ATP9B: variants seen among roughly 807,000 people sequenced by gnomAD.
ATP9B encodes the protein ATPase phospholipid transporting 9B, also known as probable phospholipid-transporting ATPase IIB.
A neutral mutation model predicts 146.1 loss-of-function variants in ATP9B; 110 were observed. The ratio of observed to expected loss-of-function variants is 0.75; its 90% confidence interval spans 0.65 to 0.88. The LOEUF is 0.88. ATP9B is among the 40% of genes least tolerant of loss of function. The pLI is 0.00. For synonymous variants in ATP9B, 604 were observed against 569.7 expected, an observed-to-expected ratio of 1.06 and a Z score of -0.86; for missense variants, 1,499 against 1,496.4, an observed-to-expected ratio of 1.00 and a Z score of -0.03.
At chr18:79,252,384 G>A (rs1049742954) in intron 11 of ATP9B, among the ~76,000 whole-genome samples, 1 of 152,184 alleles carries the variant, frequency 6.6e-6, no homozygotes, top group African/African-American at 2.4e-5. Context: ...CCTAGTTGCT[G>A]TGCTGTGTCA....
chr18:79,275,229 C>G (rs963806294), intron 12 of ATP9B, among the ~76,000 whole-genome samples: 1 of 151,014 alleles, frequency 6.6e-6, no homozygotes, highest in Non-Finnish European at 1.5e-5. Context: ...CTTTTCCCCT[C>G]TTCTGTACAG....
At chr18:79,193,099 C>T in intron 8 of ATP9B, 84 bp from the exon 9 acceptor site, 1 of 989,482 alleles carries the variant, frequency 1.0e-6, no homozygotes, top group Non-Finnish European at 1.5e-6. Context: ...AATATATGAA[C>T]AATATTAATC....
chr18:79,212,793 G>T (rs1351320047), intron 10 of ATP9B, among the ~76,000 whole-genome samples: 1 of 152,022 alleles, frequency 6.6e-6, no homozygotes. Context: ...TTTGTGCATC[G>T]GGGAGCTTAT....
At chr18:79,337,757 AG>A (rs1231958324) in intron 19 of ATP9B, among the ~76,000 whole-genome samples, 1 of 152,138 alleles carries the variant, frequency 6.6e-6, no homozygotes, top group East Asian at 1.9e-4. Flanking sequence ...GCCATTTCCC[AG>A]GGATGGTTAT....
intron 13 of ATP9B, among the ~76,000 whole-genome samples, chr18:79,290,913 A>G (rs144091670): frequency 1.1e-3 from 173 of 152,320 alleles, no homozygotes; most frequent in African/African-American, 4.1e-3. Context: ...TTCTTTATAT[A>G]TTAAAATCAC....
At chr18:79,070,092 A>G (rs2071544870) in intron 1 of ATP9B, among the ~76,000 whole-genome samples, 1 of 152,218 alleles carries the variant, frequency 6.6e-6, no homozygotes, top group African/African-American at 2.4e-5. Context: ...AGAACGGTTA[A>G]CTTGTTTAGT....
At chr18:79,146,901 A>G (rs2094600332) in intron 6 of ATP9B, 1 of 152,366 alleles carries the variant, frequency 6.6e-6, no homozygotes, top group Admixed American at 6.5e-5. Flanking sequence ...AATGGTCTAA[A>G]TACGAGACAG....
At chr18:79,162,477 A>G (rs2094898056) in intron 7 of ATP9B, among the ~76,000 whole-genome samples, 1 of 152,230 alleles carries the variant, frequency 6.6e-6, no homozygotes, top group Admixed American at 6.5e-5. Context: ...AATTTTCATC[A>G]ATCTCTTATA....
chr18:79,338,625 C>T (rs567509124), intron 19 of ATP9B, among the ~76,000 whole-genome samples: 13 of 152,314 alleles, frequency 8.5e-5, no homozygotes, highest in African/African-American at 1.4e-4. Flanking sequence ...GCGGGGCACA[C>T]GCTCCCTGCC....
At chr18:79,240,143 T>G (rs1352244179) in intron 11 of ATP9B, among the ~76,000 whole-genome samples, 1 of 152,236 alleles carries the variant, frequency 6.6e-6, no homozygotes, top group Non-Finnish European at 1.5e-5. Context: ...CTCAGTGACT[T>G]TGCTGGACTC....
intron 2 of ATP9B, among the ~76,000 whole-genome samples, chr18:79,103,074 T>A (rs768627490): frequency 3.9e-5 from 6 of 152,194 alleles, no homozygotes; most frequent in Non-Finnish European, 8.8e-5. Context: ...GCAGTGGTAT[T>A]ACTTCTTCCG....
intron 13 of ATP9B, among the ~76,000 whole-genome samples, chr18:79,288,903 G>A (rs186360007): frequency 7.2e-5 from 11 of 152,200 alleles, no homozygotes; most frequent in African/African-American, 2.2e-4. Flanking sequence ...TGAAATTCTC[G>A]GTTGAAAATT....
chr18:79,161,951 T>C (rs975206463), intron 7 of ATP9B, among the ~76,000 whole-genome samples: 1 of 152,242 alleles, frequency 6.6e-6, no homozygotes, highest in African/African-American at 2.4e-5. Context: ...TTGCTTTCAA[T>C]CAAGAATTCT....
At chr18:79,126,197 C>T in intron 4 of ATP9B, 70 bp from the exon 5 acceptor site, 6 of 1,304,652 alleles carry the variant, frequency 4.6e-6, no homozygotes, top group East Asian at 2.5e-5. Flanking sequence ...AAAGTTAAAC[C>T]AAGTAACAAA....
intron 6 of ATP9B, among the ~76,000 whole-genome samples, chr18:79,151,592 G>A (rs768329105): frequency 2.3e-4 from 35 of 152,154 alleles, no homozygotes; most frequent in Non-Finnish European, 4.0e-4. Flanking sequence ...ATGCAGTTCC[G>A]CTATGGTAGA....
At chr18:79,328,422 A>G (rs1165278528) in intron 15 of ATP9B, among the ~76,000 whole-genome samples, 2 of 152,252 alleles carry the variant, frequency 1.3e-5, no homozygotes, top group African/African-American at 2.4e-5. Flanking sequence ...ATAATTATCA[A>G]TAAGAATACA....
At chr18:79,303,772 TC>T in intron 14 of ATP9B, 56 bp downstream of exon 14, 2 of 1,305,586 alleles carry the variant, frequency 1.5e-6, no homozygotes, top group Non-Finnish European at 2.2e-6. Flanking sequence ...GCGCCATGAG[TC>T]CAGCTGAGCC....
chr18:79,107,992 G>C (rs1215005951), intron 2 of ATP9B, among the ~76,000 whole-genome samples: 1 of 152,218 alleles, frequency 6.6e-6, no homozygotes, highest in Non-Finnish European at 1.5e-5. Context: ...GTCTGAGATG[G>C]TAATTCTTAG....
rs1444183933 is a variant in ATP9B at position 79,336,638 on chromosome 18, T to C, written c.2039T>C (p.Met680Thr). The change falls in exon 18 of 30, where the codon ATG (methionine) becomes ACG (threonine). Residue 680 changes from methionine (M) to threonine (T), a missense_variant. Coordinates refer to ENST00000426216, the MANE Select transcript of ATP9B (RefSeq NM_198531.5). ...NDWLEEECGN[M>T]AREGLRTLVV... is the part of the protein sequence containing the mutation. ...CCTCTCCTTTTCCAGTGCGGAAACATGGCTCGCGAAGGACTGCGGACCCTC... is the reference window on the plus strand; with the variant it reads ...CCTCTCCTTTTCCAGTGCGGAAACACGGCTCGCGAAGGACTGCGGACCCTC... 11 of 1,608,006 alleles carry C rather than the reference T, an allele frequency of 6.8e-6. No individual in the cohort carries two copies. The highest frequency in any genetic ancestry group is 8.5e-6 in the Non-Finnish European group (10 of 1,177,558).
Sources: allele counts gnomAD v4.1 joint callset (sites outside exome capture counted in the v4.1 genomes callset), GRCh38; gene constraint gnomAD v4.1.1; transcripts MANE v1.5; gene names NCBI Gene and HGNC (gene_info 2026-07-23, HGNC 2026-07-21).